Variants in DCC observed in about 807,000 individuals in gnomAD.
DCC encodes DCC netrin 1 receptor, also known as netrin receptor DCC.
In DCC, 58 loss-of-function variants were observed where a neutral mutation model predicts 172.5. The observed-to-expected ratio is 0.34, with a 90% CI of 0.27 to 0.42. The LOEUF (loss-of-function observed/expected upper bound fraction) is 0.42, where lower values mean the gene tolerates loss of function less well. Among genes scored for constraint, DCC ranks in the 10% least tolerant of loss-of-function variants. The pLI, the probability that DCC is intolerant of heterozygous loss-of-function variation, is 1.00. For missense variants in DCC, 1,740 were observed against 1,791.0 expected, an observed-to-expected ratio of 0.97 and a Z score of 0.51; for synonymous variants, 709 against 644.5, an observed-to-expected ratio of 1.10 and a Z score of -1.52.
chr18:53,266,500 C>T (rs1231814287), intron 12 of DCC, among the ~76,000 whole-genome samples: 9 of 152,078 alleles, frequency 5.9e-5, no homozygotes, highest in Non-Finnish European at 1.5e-5. Context: ...AACCCAATGC[C>T]TTTGATCCCT....
rs760737476 is a variant in DCC, at chr18:53,532,064, C to G, written c.*1411C>G. ...TTAATCCCTGTTTATGCAGCTGAAT[C>G]GCCAAAAGGGAGCTAGTTTGCATAT... On this transcript the variant is annotated 3_prime_UTR_variant, in exon 29 of 29. Coordinates refer to ENST00000442544, the MANE Select transcript of DCC (RefSeq NM_005215.4). 2.6e-5 allele frequency: 4 copies of G among 152,130 alleles called. No individual in the cohort carries two copies. The highest frequency in any genetic ancestry group is 5.9e-5 in the Non-Finnish European group (4 of 68,024). 9.4% of individuals were successfully genotyped at this position (152,130 alleles called of 1,614,324 possible). A position where few individuals can be genotyped will look rare whatever the true frequency, so the allele number is the denominator to read the frequency against.
intron 9 of DCC, among the ~76,000 whole-genome samples, chr18:53,193,625 C>T (rs2055398674): frequency 6.6e-6 from 1 of 152,022 alleles, no homozygotes; most frequent in South Asian, 2.1e-4. Flanking sequence ...GTCTCTGTTA[C>T]CCAAGATGTA....
intron 12 of DCC, among the ~76,000 whole-genome samples, chr18:53,257,300 A>G (rs919291281): frequency 4.6e-5 from 7 of 152,298 alleles, no homozygotes; most frequent in African/African-American, 1.7e-4. Context: ...CAGTTTTCAA[A>G]GGGAATGCTT....
At chr18:53,345,166 TTC>T (rs1455603112) in intron 15 of DCC, among the ~76,000 whole-genome samples, 3 of 151,786 alleles carry the variant, frequency 2.0e-5, no homozygotes, top group African/African-American at 2.4e-5. Context: ...TGTTATAAAA[TTC>T]TGTCTTTTTT....
intron 5 of DCC, among the ~76,000 whole-genome samples, chr18:52,972,517 C>CTT (rs34383367): frequency 2.2e-5 from 3 of 138,818 alleles, no homozygotes; most frequent in South Asian, 2.2e-4. Context: ...AAATTTCTTG[C>CTT]TTTTTTTTTT....
At chr18:53,412,106 G>T (rs953725247) in intron 20 of DCC, among the ~76,000 whole-genome samples, 1 of 152,078 alleles carries the variant, frequency 6.6e-6, no homozygotes, top group Non-Finnish European at 1.5e-5. Context: ...TGTTTAATGA[G>T]CTCAGTATTT....
intron 5 of DCC, among the ~76,000 whole-genome samples, chr18:52,986,307 A>C (rs1027310407): frequency 6.6e-6 from 1 of 152,136 alleles, no homozygotes; most frequent in South Asian, 2.1e-4. Context: ...ATTAGGAGAA[A>C]TCTTATTGGT....
intron 14 of DCC, among the ~76,000 whole-genome samples, chr18:53,326,089 T>C (rs532688958): frequency 1.3e-5 from 2 of 152,326 alleles, no homozygotes; most frequent in African/African-American, 4.8e-5. Flanking sequence ...TCAAAACATA[T>C]TTCCACACAA....
intron 1 of DCC, among the ~76,000 whole-genome samples, chr18:52,425,234 T>C (rs1987383946): frequency 6.6e-6 from 1 of 152,180 alleles, no homozygotes; most frequent in Non-Finnish European, 1.5e-5. Context: ...TTGTCAATTT[T>C]CTCCTAAGGA....
intron 22 of DCC, among the ~76,000 whole-genome samples, chr18:53,438,364 T>C (rs1183759976): frequency 6.6e-6 from 1 of 152,216 alleles, no homozygotes; most frequent in Non-Finnish European, 1.5e-5. Context: ...AACTATGTAC[T>C]CTCTTAAACT....
chr18:53,217,053 C>T (rs1290676402), intron 12 of DCC, among the ~76,000 whole-genome samples: 4 of 151,906 alleles, frequency 2.6e-5, no homozygotes, highest in African/African-American at 9.7e-5. Flanking sequence ...TGTTTTTCCT[C>T]CAGGACAGAA....
intron 2 of DCC, among the ~76,000 whole-genome samples, chr18:52,758,176 T>C (rs2037105580): frequency 6.6e-6 from 1 of 152,188 alleles, no homozygotes. Context: ...CATTCAATAG[T>C]GACACATGAC....
chr18:52,366,461 T>C (rs2144284444), intron 1 of DCC, among the ~76,000 whole-genome samples: 1 of 152,292 alleles, frequency 6.6e-6, no homozygotes, highest in Middle Eastern at 3.4e-3. Flanking sequence ...TGGCCTGTTT[T>C]GTCAGGGCGC....
At chr18:53,285,199 C>A (rs182606076) in intron 12 of DCC, among the ~76,000 whole-genome samples, 3 of 152,296 alleles carry the variant, frequency 2.0e-5, no homozygotes, top group Admixed American at 2.0e-4. Context: ...ATCCCCAAAG[C>A]AATAGGGAAA....
intron 5 of DCC, among the ~76,000 whole-genome samples, chr18:53,033,430 G>A (rs8085102): frequency 0.026 from 3,959 of 152,194 alleles, 200 homozygotes; most frequent in African/African-American, 0.09. Context: ...CCTTCACTGC[G>A]TCTTGCATAT....
chr18:52,446,294 TA>T (rs1374065454), intron 1 of DCC, among the ~76,000 whole-genome samples: 1 of 152,194 alleles, frequency 6.6e-6, no homozygotes, highest in Non-Finnish European at 1.5e-5. Context: ...TAACCTCGAT[TA>T]ATAAGGAAAG....
At chr18:53,132,676 G>C (rs1418220299) in intron 7 of DCC, among the ~76,000 whole-genome samples, 2 of 152,184 alleles carry the variant, frequency 1.3e-5, no homozygotes, top group African/African-American at 4.8e-5. Context: ...GCAGGAGAGA[G>C]TGGTGTCAGG....
At chr18:52,509,929 C>G (rs942434961) in intron 1 of DCC, among the ~76,000 whole-genome samples, 2 of 152,028 alleles carry the variant, frequency 1.3e-5, no homozygotes, top group Non-Finnish European at 2.9e-5. Flanking sequence ...ATAGTGAAAC[C>G]CTTTCTCTAC....
chr18:53,355,822 AT>A (rs1438196656), intron 15 of DCC, among the ~76,000 whole-genome samples: 3 of 152,028 alleles, frequency 2.0e-5, no homozygotes, highest in African/African-American at 7.2e-5. Flanking sequence ...ACATAATATG[AT>A]TTTTATTTCT....
Sources: gnomAD v4.1 joint callset for allele counts (sites outside exome capture counted in the v4.1 genomes callset) on GRCh38, gnomAD v4.1.1 for gene constraint, MANE v1.5 for transcripts, NCBI Gene and HGNC (gene_info 2026-07-23, HGNC 2026-07-21) for gene names.